Variants in FAM24B observed in about 807,000 individuals in gnomAD.
FAM24B encodes the protein protein FAM24B.
In FAM24B, 3 loss-of-function variants were observed where a neutral mutation model predicts 2.3. That is an observed-to-expected ratio of 1.29 (90% CI 0.59 to 3.32). The LOEUF is 3.32. Among genes scored for constraint, FAM24B ranks in the 30% most tolerant of loss-of-function variants. FAM24B has a pLI of 0.03. For synonymous variants in FAM24B, 36 were observed against 46.3 expected (o/e 0.78, Z 0.90); for missense variants, 98 against 117.2 (o/e 0.84, Z 0.76).
chr10:122,856,139 G>C (rs188562228), intron 1 of FAM24B, among the ~76,000 whole-genome samples: 3 of 152,248 alleles, frequency 2.0e-5, no homozygotes, highest in Admixed American at 6.5e-5. Context: ...CTGAAGCAGA[G>C]AGTGTCCAGG....
chr10:122,869,416 A>C (rs375566234), intron 1 of FAM24B, among the ~76,000 whole-genome samples: 1 of 152,140 alleles, frequency 6.6e-6, no homozygotes, highest in Non-Finnish European at 1.5e-5. Context: ...ATTGAACTCA[A>C]CTCTGCACCA....
intron 1 of FAM24B, among the ~76,000 whole-genome samples, chr10:122,869,148 AACAG>A (rs1847850600): frequency 6.6e-6 from 1 of 152,124 alleles, no homozygotes; most frequent in Non-Finnish European, 1.5e-5. Context: ...TCTCTGATAA[AACAG>A]ACTTTAAACC....
At chr10:122,856,910 T>A (rs1411872787) in intron 1 of FAM24B, among the ~76,000 whole-genome samples, 1 of 152,180 alleles carries the variant, frequency 6.6e-6, no homozygotes, top group African/African-American at 2.4e-5. Context: ...AGTGGCCTCA[T>A]GATGTCCCTA....
chr10:122,871,521 A>G (rs1002606003), intron 1 of FAM24B, among the ~76,000 whole-genome samples: 7 of 151,436 alleles, frequency 4.6e-5, no homozygotes, highest in African/African-American at 1.5e-4. Context: ...GCATCACGCT[A>G]CCTGACTTCA....
At chr10:122,874,636 G>A (rs1369359663) in intron 1 of FAM24B, among the ~76,000 whole-genome samples, 1 of 152,088 alleles carries the variant, frequency 6.6e-6, no homozygotes, top group Non-Finnish European at 1.5e-5. Context: ...TCTATAGCAT[G>A]TATTTTTTCC....
intron 1 of FAM24B, among the ~76,000 whole-genome samples, chr10:122,866,832 C>T (rs1273858590): frequency 6.6e-6 from 1 of 152,000 alleles, no homozygotes; most frequent in Non-Finnish European, 1.5e-5. Flanking sequence ...CAATTAATAC[C>T]CCTACAATGG....
intron 2 of FAM24B, among the ~76,000 whole-genome samples, chr10:122,851,497 A>C (rs746287817): frequency 2.2e-4 from 33 of 152,222 alleles, no homozygotes; most frequent in Non-Finnish European, 4.6e-4. Context: ...TCTGGACACC[A>C]GCTCTCTTTC....
chr10:122,867,519 A>C lies in FAM24B; in HGVS notation c.-177-11733T>G, dbSNP rs56095360. ...TCAAGTGGGTCCCTGACCCCTGAGT[A>C]GCCTAACTGGGAGGCACCCCCTAGT... On this transcript the variant is annotated intron_variant, in intron 1 of 3. Transcript: ENST00000368898. Among the ~76,000 whole-genome samples, 274 of 152,360 alleles carry C rather than the reference A, an allele frequency of 1.8e-3. 1 individual carries two copies. Among genetic ancestry groups the C allele is most frequent in the Non-Finnish European group, 3.1e-3 (213 of 68,038 alleles).
intron 1 of FAM24B, among the ~76,000 whole-genome samples, chr10:122,859,242 T>C (rs1847689835): frequency 1.3e-5 from 2 of 152,204 alleles, no homozygotes; most frequent in Admixed American, 6.5e-5. Flanking sequence ...ACAAAACACG[T>C]TGGATGACTG....
intron 2 of FAM24B, among the ~76,000 whole-genome samples, chr10:122,853,668 T>A (rs79107064): frequency 0.015 from 2,266 of 152,254 alleles, 53 homozygotes; most frequent in African/African-American, 0.046. Flanking sequence ...GCAAGAGGAT[T>A]GGATTGAGCT....
At position 122,877,071 on chromosome 10, in the gene FAM24B, T is replaced by C. The variant is rs149672006; in HGVS notation, c.-178+2414A>G. On this transcript the variant is annotated intron_variant, in intron 1 of 3. Transcript: ENST00000368898. ...ATACATTGTGATATTGGTGGAAAGA[T>C]TTCAAAGATATGCCTTATTCTTTAT... Among the ~76,000 whole-genome samples the C allele has an allele frequency of 6.5e-3, 983 of 152,286 alleles. 8 individuals are homozygous for C. Among genetic ancestry groups the C allele is most frequent in the Non-Finnish European group, 0.011 (775 of 68,014 alleles).
chr10:122,865,579 A>G (rs529933663), intron 1 of FAM24B, among the ~76,000 whole-genome samples: 1 of 152,238 alleles, frequency 6.6e-6, no homozygotes, highest in East Asian at 1.9e-4. Context: ...GTATGTTTCC[A>G]TTCTCCTAAT....
chr10:122,876,939 C>T (rs1847984377), intron 1 of FAM24B, among the ~76,000 whole-genome samples: 1 of 152,184 alleles, frequency 6.6e-6, no homozygotes, highest in Non-Finnish European at 1.5e-5. Flanking sequence ...TTGATTGCCA[C>T]TATGCAAAGG....
chr10:122,872,378 C>T (rs565561198), intron 1 of FAM24B, among the ~76,000 whole-genome samples: 118 of 152,266 alleles, frequency 7.7e-4, no homozygotes, highest in African/African-American at 2.5e-3. Flanking sequence ...GTCAGTGTGG[C>T]GATTCCTCAA....
At chr10:122,859,208 A>G (rs1286120349) in intron 1 of FAM24B, among the ~76,000 whole-genome samples, 1 of 152,226 alleles carries the variant, frequency 6.6e-6, no homozygotes, top group Non-Finnish European at 1.5e-5. Flanking sequence ...TCCCTGTTCC[A>G]CACTCCAAAT....
chr10:122,857,963 C>T (rs749656384), intron 1 of FAM24B, among the ~76,000 whole-genome samples: 85 of 152,202 alleles, frequency 5.6e-4, no homozygotes, highest in Non-Finnish European at 1.1e-3. Flanking sequence ...AATGCTCTGA[C>T]GATTCACATG....
At chr10:122,870,808 G>A (rs1380225756) in intron 1 of FAM24B, among the ~76,000 whole-genome samples, 1 of 152,168 alleles carries the variant, frequency 6.6e-6, no homozygotes, top group Non-Finnish European at 1.5e-5. Context: ...AGCTATCTAT[G>A]ACAAACCCAT....
chr10:122,877,315 T>C (rs772866364), intron 1 of FAM24B, among the ~76,000 whole-genome samples: 5 of 152,158 alleles, frequency 3.3e-5, no homozygotes, highest in Middle Eastern at 6.8e-3. Flanking sequence ...CCAAAGCTTA[T>C]AGGTTAGGGA....
chr10:122,859,954 G>A (rs998028529), intron 1 of FAM24B, among the ~76,000 whole-genome samples: 10 of 152,086 alleles, frequency 6.6e-5, no homozygotes, highest in Non-Finnish European at 1.3e-4. Flanking sequence ...GAGAGCAGTG[G>A]CACTGAGAGC....
Sources: allele counts gnomAD v4.1 joint callset (sites outside exome capture counted in the v4.1 genomes callset), GRCh38; gene constraint gnomAD v4.1.1; transcripts MANE v1.5; gene names NCBI Gene and HGNC (gene_info 2026-07-23, HGNC 2026-07-21).